Variants in PTPRD observed in about 807,000 individuals in gnomAD.
The protein encoded by PTPRD is protein tyrosine phosphatase receptor type D.
PTPRD carries 34 observed loss-of-function variants against 214.5 expected under a neutral mutation model. The observed-to-expected ratio is 0.16, with a 90% confidence interval of 0.12 to 0.21. The LOEUF (loss-of-function observed/expected upper bound fraction) is 0.21, where lower values mean the gene tolerates loss of function less well. PTPRD is among the 10% of genes least tolerant of loss of function. The pLI is 1.00. For synonymous variants in PTPRD, 1,128 were observed against 845.7 expected (o/e 1.33, Z -5.79); for missense variants, 2,545 against 2,398.7 (o/e 1.06, Z -1.27).
At chr9:10,073,284 C>A (rs1016277588) in intron 3 of PTPRD, among the ~76,000 whole-genome samples, 3 of 151,934 alleles carry the variant, frequency 2.0e-5, no homozygotes, top group East Asian at 1.9e-4. Context: ...AGGAAACAAT[C>A]TCATTAAAGG....
At chr9:9,775,382 G>T (rs983198119) in intron 5 of PTPRD, among the ~76,000 whole-genome samples, 1 of 152,126 alleles carries the variant, frequency 6.6e-6, no homozygotes, top group Admixed American at 6.5e-5. Flanking sequence ...TTCTTGTTTA[G>T]TCAGAATCTC....
chr9:8,350,977 C>T (rs922499203), intron 39 of PTPRD, among the ~76,000 whole-genome samples: 4 of 151,746 alleles, frequency 2.6e-5, no homozygotes, highest in African/African-American at 9.7e-5. Flanking sequence ...AAATCTAGCA[C>T]GGAGGTCTAT....
intron 11 of PTPRD, among the ~76,000 whole-genome samples, chr9:8,935,383 C>A (rs1247171418): frequency 6.7e-6 from 1 of 149,784 alleles, no homozygotes; most frequent in African/African-American, 2.5e-5. Flanking sequence ...AACAATACAA[C>A]CTTAAGGATA....
At chr9:10,238,093 G>C (rs957782140) in intron 3 of PTPRD, among the ~76,000 whole-genome samples, 1 of 151,004 alleles carries the variant, frequency 6.6e-6, no homozygotes, top group Admixed American at 6.6e-5. Flanking sequence ...GAGCCATTTT[G>C]TATTACTTCA....
chr9:8,461,910 A>G (rs537219525), intron 32 of PTPRD, among the ~76,000 whole-genome samples: 69 of 151,960 alleles, frequency 4.5e-4, no homozygotes, highest in African/African-American at 1.6e-3. Context: ...TTGGCCTCCC[A>G]AAGTTCTGAG....
Position 8,316,886 on chromosome 9 carries a change from G to T in PTPRD, c.*988C>A. Reference sequence around the variant, plus strand: ...TCTACGTTTAAAAAAACTAAATCATGGAAGAACTGACTGACTGATAACTGT... The same window carrying T: ...TCTACGTTTAAAAAAACTAAATCATTGAAGAACTGACTGACTGATAACTGT... On this transcript the variant is annotated 3_prime_UTR_variant, in exon 46 of 46. Coordinates refer to ENST00000381196, the MANE Select transcript of PTPRD (RefSeq NM_002839.4). The T allele has an allele frequency of 4.4e-6, 1 of 225,832 alleles. No individual in the cohort carries two copies. The highest frequency in any genetic ancestry group is 8.6e-6 in the Non-Finnish European group (1 of 116,114). The allele number at this position is 225,832 out of a possible 1,614,324, so 14.0% of individuals were successfully genotyped here. A position where few individuals can be genotyped will look rare whatever the true frequency, so the allele number is the denominator to read the frequency against.
chr9:10,433,479 G>T (rs1374810911), intron 2 of PTPRD, among the ~76,000 whole-genome samples: 1 of 151,832 alleles, frequency 6.6e-6, no homozygotes, highest in East Asian at 1.9e-4. Context: ...GATATCCTCT[G>T]CTCTTTGCAT....
intron 7 of PTPRD, among the ~76,000 whole-genome samples, chr9:9,597,681 A>G (rs2093456329): frequency 1.3e-5 from 2 of 152,148 alleles, no homozygotes; most frequent in Admixed American, 1.3e-4. Context: ...TGATTTGTGG[A>G]AAAAAGATAT....
Position 10,583,208 on chromosome 9 carries a change from G to A in PTPRD, c.-600+29190C>T, listed in dbSNP as rs544625742. On this transcript the variant is annotated intron_variant, in intron 2 of 45. Coordinates refer to ENST00000381196, the MANE Select transcript of PTPRD (RefSeq NM_002839.4). ...CAGGCAGAGAAGTAAAGTTATTGTG[G>A]AAGAAGGAAGTTCACGAGGAGTTGG... Among the ~76,000 whole-genome samples, 89 of 152,270 alleles carry A rather than the reference G, an allele frequency of 5.8e-4. 2 individuals are homozygous for A. The highest frequency in any genetic ancestry group is 2.0e-3 in the African/African-American group (85 of 41,562).
chr9:8,876,640 T>C (rs1474628017), intron 11 of PTPRD, among the ~76,000 whole-genome samples: 1 of 152,218 alleles, frequency 6.6e-6, no homozygotes, highest in Non-Finnish European at 1.5e-5. Flanking sequence ...TAAGTTAATA[T>C]ACTCTGATCA....
At chr9:9,204,799 T>C (rs2099943859) in intron 9 of PTPRD, among the ~76,000 whole-genome samples, 1 of 152,190 alleles carries the variant, frequency 6.6e-6, no homozygotes, top group Admixed American at 6.6e-5. Flanking sequence ...TATTGTATAT[T>C]AAAAATGACC....
At chr9:8,949,284 T>G (rs975594641) in intron 11 of PTPRD, among the ~76,000 whole-genome samples, 4 of 150,972 alleles carry the variant, frequency 2.6e-5, no homozygotes, top group Admixed American at 2.0e-4. Context: ...AATTGGTAGA[T>G]AAAACATGTG....
chr9:8,650,183 G>T (rs929304622), intron 12 of PTPRD, among the ~76,000 whole-genome samples: 2 of 152,002 alleles, frequency 1.3e-5, no homozygotes, highest in African/African-American at 4.8e-5. Context: ...CTCCCAAAGT[G>T]CTGGGATTAC....
At chr9:8,878,143 T>A (rs1382504217) in intron 11 of PTPRD, among the ~76,000 whole-genome samples, 1 of 152,236 alleles carries the variant, frequency 6.6e-6, no homozygotes, top group Non-Finnish European at 1.5e-5. Flanking sequence ...TATTACTTAT[T>A]TCTCAGGAAG....
rs975531031 is a variant in PTPRD, at chr9:9,648,591, C to T, written c.-286-73810G>A. Among the ~76,000 whole-genome samples, 27 of 152,140 alleles carry T rather than the reference C, an allele frequency of 1.8e-4. 1 individual carries two copies. Among genetic ancestry groups the T allele is most frequent in the Non-Finnish European group, 5.9e-5 (4 of 68,028 alleles). ...AGACAAAGCTGAATAATCATAATCTCATGTGGGTGGTGATATATTTAGCAA... is the reference window on the plus strand; with the variant it reads ...AGACAAAGCTGAATAATCATAATCTTATGTGGGTGGTGATATATTTAGCAA... On this transcript the variant is annotated intron_variant, in intron 7 of 45. Transcript: ENST00000381196.
intron 2 of PTPRD, among the ~76,000 whole-genome samples, chr9:10,509,580 T>TATATATATA (rs1491395020): frequency 9.6e-5 from 13 of 135,082 alleles, no homozygotes; most frequent in East Asian, 2.3e-4. Flanking sequence ...TATATATATA[T>TATATATATA]TTTACTCACT....
At chr9:10,460,434 A>T (rs115738524) in intron 2 of PTPRD, among the ~76,000 whole-genome samples, 1,823 of 152,174 alleles carry the variant, frequency 0.012, 34 homozygotes, top group African/African-American at 0.039. Flanking sequence ...CAATTCTGAA[A>T]AAAAAAAAAG....
rs561743619 is a variant in PTPRD at position 10,559,883 on chromosome 9, G to A, written c.-600+52515C>T. Among the ~76,000 whole-genome samples, 14 of 152,144 alleles carry A rather than the reference G, an allele frequency of 9.2e-5. No homozygotes were observed. In the East Asian group the frequency reaches 1.4e-3, roughly 15 times the overall value. On this transcript the variant is annotated intron_variant, in intron 2 of 45. Coordinates refer to ENST00000381196, the MANE Select transcript of PTPRD (RefSeq NM_002839.4). The stretch of plus-strand genomic sequence containing the variant: ...GATATCATCTCACACCAGTTAGAAT[G>A]GCAATCATTAAAAAGTCAGGAAACA...
chr9:10,020,206 G>A (rs1246895369), intron 4 of PTPRD, among the ~76,000 whole-genome samples: 1 of 152,036 alleles, frequency 6.6e-6, no homozygotes, highest in East Asian at 1.9e-4. Context: ...ATTTTATTTG[G>A]ACATTGTTTT....
Sources: gnomAD v4.1 joint callset for allele counts (sites outside exome capture counted in the v4.1 genomes callset) on GRCh38, gnomAD v4.1.1 for gene constraint, MANE v1.5 for transcripts, NCBI Gene and HGNC (gene_info 2026-07-23, HGNC 2026-07-21) for gene names.